The following SLC26A11 variants were observed in gnomAD, a reference collection of about 807,000 sequenced individuals.
The protein encoded by SLC26A11 is solute carrier family 26 member 11.
In SLC26A11, 58 loss-of-function variants were observed where a neutral mutation model predicts 62.2. That is an observed-to-expected ratio of 0.93 (90% CI 0.76 to 1.16). The LOEUF is 1.16. Among genes scored for constraint, SLC26A11 ranks in the 50% most tolerant of loss-of-function variants. The pLI is 0.00. For synonymous variants in SLC26A11, 411 were observed against 368.9 expected (o/e 1.11, Z -1.31); for missense variants, 790 against 794.3 (o/e 0.99, Z 0.06).
In SLC26A11 at chr17:80,221,692, C is replaced by T. The variant is rs1567938999; in HGVS notation, c.132C>T (p.Ser44=). Residue 44 remains serine, a synonymous_variant, in exon 3 of 18, where the codon TCC becomes TCT. Coordinates refer to ENST00000361193, the MANE Select transcript of SLC26A11 (RefSeq NM_001166347.2). ...TCCTGGCGTGGCTGCCCAGCTACTC[C>T]CTGCAGTGGCTGAAGATGGATTTCG... ...LPILAWLPSY[S]LQWLKMDFVA... is the part of the protein sequence containing the mutation. 1 of 1,613,668 alleles carries T rather than the reference C, an allele frequency of 6.2e-7. No homozygotes were observed. Among genetic ancestry groups the T allele is most frequent in the Non-Finnish European group, 8.5e-7 (1 of 1,180,014 alleles).
rs941621555 is a variant in SLC26A11, at chr17:80,222,946, G to A, written c.427+99G>A. On this transcript the variant is annotated intron_variant, in intron 4 of 17. Transcript: ENST00000361193. The surrounding 1 kb of genome is among the most constrained non-coding windows in gnomAD (Gnocchi z 4.7). ...CCGTGTGCGTGTGTGTGCGTGTTGG[G>A]GTGTGGGTATGTATGTGTGTGTGTG... The A allele has an allele frequency of 1.4e-5, 18 of 1,332,858 alleles. No individual in the cohort carries two copies. The African/African-American group carries it at 1.7e-4, about 13-fold the overall frequency. 82.6% of individuals were successfully genotyped at this position (1,332,858 alleles called of 1,614,324 possible). A position where few individuals can be genotyped will look rare whatever the true frequency, so the allele number is the denominator to read the frequency against.
intron 7 of SLC26A11, among the ~76,000 whole-genome samples, chr17:80,233,330 A>G (rs886457149): frequency 6.6e-6 from 1 of 152,002 alleles, no homozygotes. Context: ...GAAACGGGCT[A>G]TGTTGCTCAG....
intron 7 of SLC26A11, among the ~76,000 whole-genome samples, chr17:80,235,297 T>C (rs1395816094): frequency 6.6e-6 from 1 of 152,216 alleles, no homozygotes; most frequent in Admixed American, 6.5e-5. Context: ...ACAGTTACTC[T>C]TTTAATGTCC....
At chr17:80,248,099 C>G in intron 13 of SLC26A11, 31 bp from the exon 14 acceptor site, 1 of 1,578,704 alleles carries the variant, frequency 6.3e-7, no homozygotes, top group Non-Finnish European at 8.6e-7. Context: ...GGGCAGCTGC[C>G]GGGCATTCCT....
intron 14 of SLC26A11, 33 bp downstream of exon 14, chr17:80,248,290 G>A (rs2043062970): frequency 1.9e-6 from 3 of 1,591,822 alleles, no homozygotes; most frequent in Non-Finnish European, 2.6e-6. Flanking sequence ...TGGGGAGTGT[G>A]CTGGGGGCAG....
In SLC26A11 at chr17:80,248,089, G is replaced by A. The variant is rs111683992; in HGVS notation, c.1295-41G>A. The A allele has an allele frequency of 1.7e-4, 274 of 1,566,384 alleles. No individual in the cohort carries two copies. The African/African-American group carries it at 3.2e-3, about 18-fold the overall frequency. On this transcript the variant is annotated intron_variant, in intron 13 of 17. Transcript: ENST00000361193. Reference sequence around the variant, plus strand: ...GTCAGCAGGGCCATGTTGGGGCCTCGGGCAGCTGCCGGGCATTCCTCAGCT... The same window carrying A: ...GTCAGCAGGGCCATGTTGGGGCCTCAGGCAGCTGCCGGGCATTCCTCAGCT...
chr17:80,240,147 C>T (rs1484008527), intron 9 of SLC26A11, among the ~76,000 whole-genome samples: 2 of 152,092 alleles, frequency 1.3e-5, no homozygotes, highest in African/African-American at 4.8e-5. Flanking sequence ...GCGGGTGGAT[C>T]ACAAGGTCAG....
rs933233385 is a variant in SLC26A11 at position 80,222,238 on chromosome 17, T to C, written c.235-417T>C. ...AAAAATACAAAAAATTAGCCAGGTG[T>C]GGTGGCGGGTGCCTGTAGTCCCAGC... is the stretch of plus-strand genomic sequence containing the variant. On this transcript the variant is annotated intron_variant, in intron 3 of 17. Transcript: ENST00000361193. This position sits in a 1 kb window ranked among gnomAD's most constrained non-coding sequence, Gnocchi z 4.7. The C allele has an allele frequency of 3.1e-5, 6 of 190,996 alleles. No individual in the cohort carries two copies. The highest frequency in any genetic ancestry group is 6.4e-5 in the Non-Finnish European group (6 of 94,168). 11.8% of individuals were successfully genotyped at this position (190,996 alleles called of 1,614,324 possible).
In SLC26A11 at chr17:80,223,965, G is replaced by C. The variant is rs544274788; in HGVS notation, c.513+628G>C. ...GCCCAGCATTGGGCTGGTGCAGTAG[G>C]GGGGTGCTCAGTGGGGTGTGTGTGG... is the stretch of plus-strand genomic sequence containing the variant. On this transcript the variant is annotated intron_variant, in intron 5 of 17. Transcript: ENST00000361193. This position sits in a 1 kb window ranked among gnomAD's most constrained non-coding sequence, Gnocchi z 4.6. Among the ~76,000 whole-genome samples, 38 of 152,332 alleles carry C rather than the reference G, an allele frequency of 2.5e-4. No individual in the cohort carries two copies. Among genetic ancestry groups the C allele is most frequent in the Non-Finnish European group, 3.2e-4 (22 of 68,032 alleles).
In SLC26A11 at chr17:80,223,464, C is replaced by A; in HGVS notation, c.513+127C>A. 1.1e-6 allele frequency: 1 copy of A among 871,154 alleles called. No homozygotes were observed. The highest frequency in any genetic ancestry group is 1.8e-6 in the Non-Finnish European group (1 of 542,682). 54.0% of individuals were successfully genotyped at this position (871,154 alleles called of 1,614,324 possible). A position where few individuals can be genotyped will look rare whatever the true frequency, so the allele number is the denominator to read the frequency against. On this transcript the variant is annotated intron_variant, in intron 5 of 17. Transcript: ENST00000361193. This position sits in a 1 kb window ranked among gnomAD's most constrained non-coding sequence, Gnocchi z 4.6. ...TGGACGTCTTGCTGTTTCAGATTGT[C>A]TTCCATGGGTCAAGAAGCACGCGGT...
In SLC26A11 at chr17:80,252,634, T is replaced by G; in HGVS notation, c.1739T>G (p.Leu580Arg). The G allele has an allele frequency of 1.2e-6, 2 of 1,613,812 alleles. No homozygotes were observed. Among genetic ancestry groups the G allele is most frequent in the Non-Finnish European group, 1.7e-6 (2 of 1,179,872 alleles). Residue 580 changes from leucine to arginine, a missense_variant, in exon 18 of 18, where the codon CTG (leucine) becomes CGG (arginine). Transcript: ENST00000361193. The surrounding 1 kb of genome is among the most constrained non-coding windows in gnomAD (Gnocchi z 5.2). Reference sequence around the variant, plus strand: ...ATTGTATTTTCTGCAGAGAAGCACCTGAGGCAGGAGCCAGGGACCCAGCCC... The same window carrying G: ...ATTGTATTTTCTGCAGAGAAGCACCGGAGGCAGGAGCCAGGGACCCAGCCC... ...FSTLEEAEKHLRQEPGTQPYN... is the reference protein window; with the variant it reads ...FSTLEEAEKHRRQEPGTQPYN...
chr17:80,229,126 G>T (rs1310568426), intron 7 of SLC26A11, among the ~76,000 whole-genome samples: 1 of 152,084 alleles, frequency 6.6e-6, no homozygotes, highest in Non-Finnish European at 1.5e-5. Flanking sequence ...CTGTTTGGGG[G>T]CTGCAAAATC....
At chr17:80,244,717 C>A (rs1217009715) in intron 10 of SLC26A11, among the ~76,000 whole-genome samples, 1 of 152,130 alleles carries the variant, frequency 6.6e-6, no homozygotes, top group Non-Finnish European at 1.5e-5. Context: ...TGGCACATGC[C>A]TGTAGTCCCA....
rs771657842 is a variant in SLC26A11, at chr17:80,246,404, C to G, written c.1154-105C>G. On this transcript the variant is annotated intron_variant, in intron 12 of 17. Transcript: ENST00000361193. This position sits in a 1 kb window ranked among gnomAD's most constrained non-coding sequence, Gnocchi z 4.4. ...GGGGGCCTTGGCAGTCGTCGCCCTA[C>G]CCCCACCCCTGTCCCCAGTGGGCTC... 7.9e-6 allele frequency: 12 copies of G among 1,515,746 alleles called. No individual in the cohort carries two copies. The highest frequency in any genetic ancestry group is 9.8e-6 in the Non-Finnish European group (11 of 1,124,148). 93.9% of individuals were successfully genotyped at this position (1,515,746 alleles called of 1,614,324 possible). A position where few individuals can be genotyped will look rare whatever the true frequency, so the allele number is the denominator to read the frequency against.
chr17:80,223,110 A>G lies in SLC26A11; in HGVS notation c.428-142A>G, dbSNP rs749722941. 4 of 815,516 alleles carry G rather than the reference A, an allele frequency of 4.9e-6. No homozygotes were observed. Among genetic ancestry groups the G allele is most frequent in the South Asian group, 4.7e-5 (3 of 64,014 alleles). 50.5% of individuals were successfully genotyped at this position (815,516 alleles called of 1,614,324 possible). On this transcript the variant is annotated intron_variant, in intron 4 of 17. Coordinates refer to ENST00000361193, the MANE Select transcript of SLC26A11 (RefSeq NM_001166347.2). This position sits in a 1 kb window ranked among gnomAD's most constrained non-coding sequence, Gnocchi z 4.6. ...TTCTGCTCTCCAAAAACAGCCAAAC[A>G]GGGTGTGTTACCCCCAGTCCTTAGC...
intron 9 of SLC26A11, among the ~76,000 whole-genome samples, chr17:80,240,776 C>T (rs1294752042): frequency 1.3e-5 from 2 of 152,118 alleles, no homozygotes; most frequent in East Asian, 3.9e-4. Flanking sequence ...GCACTCCAGC[C>T]TGGGTGACAG....
rs1023365613 is a variant in SLC26A11, at chr17:80,239,463, C to T, written c.985+1869C>T. 2.5e-4 allele frequency among the ~76,000 whole-genome samples: 38 copies of T among 151,180 alleles called. 1 individual carries two copies. The highest frequency in any genetic ancestry group is 7.9e-4 in the Admixed American group (12 of 15,200). On this transcript the variant is annotated intron_variant, in intron 9 of 17. Coordinates refer to ENST00000361193, the MANE Select transcript of SLC26A11 (RefSeq NM_001166347.2). ...GGAGTGCAGTGGCGTGATCTCGGCT[C>T]ACTGCAAGCTCCGCCTCCTGGGTTC...
chr17:80,232,842 C>T (rs1039275499), intron 7 of SLC26A11, among the ~76,000 whole-genome samples: 15 of 152,132 alleles, frequency 9.9e-5, no homozygotes, highest in East Asian at 7.7e-4. Flanking sequence ...TTAGCTGTAA[C>T]GGCTATATTT....
In SLC26A11 at chr17:80,223,132, T is replaced by A; in HGVS notation, c.428-120T>A. On this transcript the variant is annotated intron_variant, in intron 4 of 17. Transcript: ENST00000361193. The surrounding 1 kb of genome is among the most constrained non-coding windows in gnomAD (Gnocchi z 4.6). The stretch of plus-strand genomic sequence containing the variant: ...AACAGGGTGTGTTACCCCCAGTCCT[T>A]AGCTGCGGTATCTGCTCCCCAATCC... 1 of 938,052 alleles carries A rather than the reference T, an allele frequency of 1.1e-6. No homozygotes were observed. The allele number at this position is 938,052 out of a possible 1,614,324, so 58.1% of individuals were successfully genotyped here.
Sources: allele counts gnomAD v4.1 joint callset (sites outside exome capture counted in the v4.1 genomes callset), GRCh38; gene constraint gnomAD v4.1.1; non-coding constraint Gnocchi (gnomAD v3.1); transcripts MANE v1.5; gene names NCBI Gene and HGNC (gene_info 2026-07-23, HGNC 2026-07-21).